Variants in FRMD3 observed in about 807,000 individuals in gnomAD.
FRMD3 encodes FERM domain containing 3.
FRMD3 carries 33 observed loss-of-function variants against 70.2 expected under a neutral mutation model. The ratio of observed to expected loss-of-function variants is 0.47; its 90% CI spans 0.36 to 0.63. The LOEUF is 0.63. FRMD3 is among the 20% of genes least tolerant of loss of function. The pLI, the probability that FRMD3 is intolerant of heterozygous loss-of-function variation, is 0.00. For synonymous variants in FRMD3, 279 were observed against 255.9 expected (o/e 1.09, Z -0.86); for missense variants, 632 against 711.4 (o/e 0.89, Z 1.27).
intron 1 of FRMD3, among the ~76,000 whole-genome samples, chr9:83,530,796 G>A (rs190717126): frequency 6.6e-6 from 1 of 152,182 alleles, no homozygotes; most frequent in African/African-American, 2.4e-5. Context: ...CCTAGACAAA[G>A]CATCTACAGT....
intron 13 of FRMD3, among the ~76,000 whole-genome samples, chr9:83,273,501 C>A (rs1430105028): frequency 1.3e-5 from 2 of 151,622 alleles, no homozygotes; most frequent in African/African-American, 4.9e-5. Flanking sequence ...TGCGGAAGGC[C>A]GCAGGGTCCT....
chr9:83,277,866 G>A (rs572630454), intron 13 of FRMD3, among the ~76,000 whole-genome samples: 11 of 152,134 alleles, frequency 7.2e-5, no homozygotes, highest in African/African-American at 1.7e-4. Flanking sequence ...ACTTTGTACC[G>A]GAACATCCCT....
intron 1 of FRMD3, among the ~76,000 whole-genome samples, chr9:83,401,312 C>A (rs905875366): frequency 6.6e-6 from 1 of 152,132 alleles, no homozygotes; most frequent in Non-Finnish European, 1.5e-5. Flanking sequence ...TAACCGTTAG[C>A]GAGCAGTACA....
the FRMD3 span, among the ~76,000 whole-genome samples, chr9:83,576,330 C>G: frequency 6.6e-6 from 1 of 151,860 alleles, no homozygotes; most frequent in Non-Finnish European, 1.5e-5. Context: ...AAAAAATTGT[C>G]GAACTCTACA....
intron 3 of FRMD3, among the ~76,000 whole-genome samples, chr9:83,361,020 G>GCTGT (rs1824566304): frequency 6.6e-6 from 1 of 152,166 alleles, no homozygotes; most frequent in Non-Finnish European, 1.5e-5. Context: ...AACCTAATGA[G>GCTGT]CTGTCTCTAG....
At chr9:83,583,288 G>A in the FRMD3 span, among the ~76,000 whole-genome samples, 6 of 152,018 alleles carry the variant, frequency 3.9e-5, no homozygotes, top group African/African-American at 1.2e-4. Context: ...AGAACATCTC[G>A]CTACTCACAC....
At chr9:83,251,688 C>G (rs1238185799) in intron 13 of FRMD3, among the ~76,000 whole-genome samples, 3 of 152,116 alleles carry the variant, frequency 2.0e-5, no homozygotes, top group Non-Finnish European at 4.4e-5. Context: ...CCTGATGGAG[C>G]TGAAAAACAC....
chr9:83,280,172 G>T (rs1328053721), intron 13 of FRMD3, among the ~76,000 whole-genome samples: 1 of 152,160 alleles, frequency 6.6e-6, no homozygotes, highest in Non-Finnish European at 1.5e-5. Flanking sequence ...GAGAAAATAA[G>T]ATCTAGGTCA....
At chr9:83,530,376 A>C (rs1829769250) in intron 1 of FRMD3, among the ~76,000 whole-genome samples, 1 of 152,254 alleles carries the variant, frequency 6.6e-6, no homozygotes, top group Non-Finnish European at 1.5e-5. Context: ...AAGTGAAAGA[A>C]GCCAGACACA....
intron 6 of FRMD3, among the ~76,000 whole-genome samples, chr9:83,314,445 G>T (rs879838580): frequency 2.6e-5 from 4 of 152,114 alleles, no homozygotes; most frequent in African/African-American, 4.8e-5. Flanking sequence ...ATTCCCCAAG[G>T]ATATTTATGT....
At chr9:83,402,898 CTTTTTTTTTTTTTT>C (rs559570925) in intron 1 of FRMD3, among the ~76,000 whole-genome samples, 1 of 87,296 alleles carries the variant, frequency 1.1e-5, no homozygotes, top group African/African-American at 4.4e-5. Context: ...TTCTTTCTTT[CTTTTTTTTTTTTTT>C]TTTTTTTTTG....
At chr9:83,290,861 T>C (rs1201299095) in intron 12 of FRMD3, 134 bp from the exon 13 acceptor site, 2 of 902,460 alleles carry the variant, frequency 2.2e-6, no homozygotes, top group East Asian at 2.6e-5. Context: ...GAGCCAGTAG[T>C]AAAGATGACG....
intron 1 of FRMD3, among the ~76,000 whole-genome samples, chr9:83,391,222 C>T (rs1825657406): frequency 6.6e-6 from 1 of 152,158 alleles, no homozygotes; most frequent in Non-Finnish European, 1.5e-5. Context: ...TCAAAAGAGA[C>T]AAAACATAAA....
At chr9:83,342,497 G>A (rs1823794649) in intron 5 of FRMD3, among the ~76,000 whole-genome samples, 1 of 152,148 alleles carries the variant, frequency 6.6e-6, no homozygotes, top group Non-Finnish European at 1.5e-5. Context: ...AGGTAACTTG[G>A]TAACTTATCC....
chr9:83,515,682 T>C (rs11795151), intron 1 of FRMD3, among the ~76,000 whole-genome samples: 59,533 of 151,730 alleles, frequency 0.39, 12,136 homozygotes, highest in Middle Eastern at 0.47. Context: ...TTCACCAAGG[T>C]TGAAATAAAG....
chr9:83,299,236 T>C (rs1247027883), intron 10 of FRMD3, 50 bp from the exon 11 acceptor site: 1 of 1,179,568 alleles, frequency 8.5e-7, no homozygotes, highest in East Asian at 2.3e-5. Context: ...AAAGTCCACT[T>C]ACAACATGCT....
At chr9:83,355,301 C>A (rs562567577) in intron 3 of FRMD3, among the ~76,000 whole-genome samples, 1 of 152,190 alleles carries the variant, frequency 6.6e-6, no homozygotes, top group Non-Finnish European at 1.5e-5. Flanking sequence ...GAGCTATCTG[C>A]GCAAACCCAC....
intron 3 of FRMD3, among the ~76,000 whole-genome samples, chr9:83,368,214 C>G (rs772832478): frequency 6.6e-6 from 1 of 152,228 alleles, no homozygotes; most frequent in Non-Finnish European, 1.5e-5. Context: ...AACCAGGACA[C>G]TGTTCAGCAT....
At chr9:83,290,755 T>C (rs763682609) in intron 12 of FRMD3, 28 bp from the exon 13 acceptor site, 1 of 1,571,366 alleles carries the variant, frequency 6.4e-7, no homozygotes, top group South Asian at 1.2e-5. Context: ...CCAGACAGAG[T>C]TGGTTTCCAT....
Sources: allele counts gnomAD v4.1 joint callset (sites outside exome capture counted in the v4.1 genomes callset), GRCh38; gene constraint gnomAD v4.1.1; transcripts MANE v1.5; gene names NCBI Gene and HGNC (gene_info 2026-07-23, HGNC 2026-07-21).